The following SLC35A3 variants were observed in gnomAD, a reference collection of about 807,000 sequenced individuals.
The protein encoded by SLC35A3 is solute carrier family 35 member A3.
In SLC35A3, 26 loss-of-function variants were observed where a neutral mutation model predicts 39.0. That is an observed-to-expected ratio of 0.67 (90% CI 0.49 to 0.92). The LOEUF (loss-of-function observed/expected upper bound fraction) is 0.92, where lower values mean the gene tolerates loss of function less well. Ranked by LOEUF, SLC35A3 falls within the 40% of genes least tolerant of loss-of-function variation. The probability of loss-of-function intolerance (pLI) is 0.00; values close to 1 mark genes in which losing one functional copy is unlikely to be tolerated. For missense variants in SLC35A3, 299 were observed against 371.6 expected, an observed-to-expected ratio of 0.80 and a Z score of 1.61; for synonymous variants, 135 against 133.1, an observed-to-expected ratio of 1.01 and a Z score of -0.10.
At chr1:99,986,683 A>G (rs1381541084) in intron 1 of SLC35A3, among the ~76,000 whole-genome samples, 6 of 151,788 alleles carry the variant, frequency 4.0e-5, no homozygotes, top group Admixed American at 1.3e-4. Context: ...TTGACTTCCC[A>G]AACTCAAGGG....
chr1:100,017,884 T>C (rs1660267854), intron 7 of SLC35A3, 69 bp downstream of exon 7: 2 of 896,678 alleles, frequency 2.2e-6, no homozygotes, highest in African/African-American at 3.5e-5. Context: ...CTTTGTAAGG[T>C]GATCTGATAA....
At chr1:99,970,767 T>G (rs1208815980) in intron 1 of SLC35A3, 2 of 648,014 alleles carry the variant, frequency 3.1e-6, no homozygotes, top group Non-Finnish European at 5.1e-6. Flanking sequence ...AAATGCAGTA[T>G]TTGAAAATTA....
At chr1:100,000,584 T>C (rs892325942) in intron 3 of SLC35A3, 1 of 152,156 alleles carries the variant, frequency 6.6e-6, no homozygotes, top group Non-Finnish European at 1.5e-5. Context: ...ATTATTCTAT[T>C]TTTGTTTTCA....
At chr1:100,011,803 C>T (rs1659670213) in intron 5 of SLC35A3, among the ~76,000 whole-genome samples, 1 of 151,496 alleles carries the variant, frequency 6.6e-6, no homozygotes, top group South Asian at 2.1e-4. Context: ...ACTGCAAGCT[C>T]CGCCTCCCAG....
intron 3 of SLC35A3, among the ~76,000 whole-genome samples, chr1:100,000,365 A>G (rs927136053): frequency 3.9e-5 from 6 of 151,922 alleles, no homozygotes; most frequent in Non-Finnish European, 8.8e-5. Context: ...CCTGTTGGCT[A>G]TTTGTATGTC....
chr1:100,004,131 A>C (rs1347190679), intron 3 of SLC35A3, among the ~76,000 whole-genome samples: 1 of 152,164 alleles, frequency 6.6e-6, no homozygotes, highest in Non-Finnish European at 1.5e-5. Flanking sequence ...TTATTGGTAC[A>C]TGGGGATTAT....
intron 2 of SLC35A3, among the ~76,000 whole-genome samples, chr1:99,994,338 CTTTTATCTAAAATTTTTTATCTAAA>C (rs537249582): frequency 0.071 from 10,798 of 151,844 alleles, 489 homozygotes; most frequent in African/African-American, 0.13. Context: ...TTTTAAATCA[CTTTTATCTAAAATTTTTTATCTAAA>C]TTTTATCTAA....
At chr1:99,981,758 G>A (rs1165090169) in intron 1 of SLC35A3, among the ~76,000 whole-genome samples, 1 of 152,102 alleles carries the variant, frequency 6.6e-6, no homozygotes, top group Non-Finnish European at 1.5e-5. Flanking sequence ...TGGGATTACA[G>A]ACATGAGCCA....
intron 3 of SLC35A3, among the ~76,000 whole-genome samples, chr1:100,003,416 C>CA (rs34020224): frequency 0.021 from 1,195 of 55,672 alleles, 16 homozygotes; most frequent in East Asian, 0.049. Flanking sequence ...AACTCCATCT[C>CA]AAAAAAAAAA....
intron 5 of SLC35A3, among the ~76,000 whole-genome samples, chr1:100,013,639 AT>A (rs1198722125): frequency 1.3e-5 from 2 of 151,566 alleles, no homozygotes; most frequent in Non-Finnish European, 2.9e-5. Context: ...ACATATATAT[AT>A]GTTATATATA....
chr1:99,977,734 C>T (rs1444761977), intron 1 of SLC35A3, among the ~76,000 whole-genome samples: 1 of 152,104 alleles, frequency 6.6e-6, no homozygotes, highest in African/African-American at 2.4e-5. Flanking sequence ...AGACAGAGTC[C>T]GACTATGTTG....
intron 4 of SLC35A3, chr1:100,008,528 A>G (rs1659399271): frequency 6.6e-6 from 1 of 152,226 alleles, no homozygotes; most frequent in South Asian, 2.1e-4. Flanking sequence ...AAATGTACCT[A>G]CAGTTCTAGA....
rs966805596 is a variant in SLC35A3 at position 99,971,464 on chromosome 1, G to T, written c.-19+1302G>T. On this transcript the variant is annotated intron_variant, in intron 1 of 7. Coordinates refer to ENST00000533028, the MANE Select transcript of SLC35A3 (RefSeq NM_012243.3). The stretch of plus-strand genomic sequence containing the variant: ...TGGGACTACAGGCGCCCGCCGCCAC[G>T]CCCGGCTAATTTTTTTGTATTTTTA... Among the ~76,000 whole-genome samples, 4 of 151,714 alleles carry T rather than the reference G, an allele frequency of 2.6e-5. No homozygotes were observed. In the South Asian group the frequency reaches 8.3e-4, roughly 32 times the overall value.
chr1:100,022,473 A>G lies in SLC35A3; in HGVS notation c.975A>G (p.Ala325=), dbSNP rs1425121794. 6 of 1,548,030 alleles carry G rather than the reference A, an allele frequency of 3.9e-6. No individual in the cohort carries two copies. In the African/African-American group the frequency reaches 6.8e-5, roughly 18 times the overall value. ...AACCTGCAGGAAATCCCACTAAAGCATAGTTGTATACTATCTTTAACTGGT... is the reference window on the plus strand; with the variant it reads ...AACCTGCAGGAAATCCCACTAAAGCGTAGTTGTATACTATCTTTAACTGGT... ...DPKPAGNPTK[A] is the part of the protein sequence containing the mutation. Residue 325 remains alanine, a synonymous_variant, in exon 8 of 8, where the codon GCA becomes GCG. Transcript: ENST00000533028.
intron 3 of SLC35A3, among the ~76,000 whole-genome samples, chr1:100,004,894 A>G (rs1570605781): frequency 6.6e-6 from 1 of 151,470 alleles, no homozygotes; most frequent in East Asian, 2.0e-4. Context: ...GCACTCTACC[A>G]TGCCTGTGCA....
At chr1:100,018,001 T>C (rs1660274494) in intron 7 of SLC35A3, 186 bp downstream of exon 7, 1 of 370,662 alleles carries the variant, frequency 2.7e-6, no homozygotes, top group Non-Finnish European at 4.7e-6. Context: ...AAGTTTCTTA[T>C]ACAAATTTGG....
chr1:100,001,128 A>T (rs1213961600), intron 3 of SLC35A3, among the ~76,000 whole-genome samples: 1 of 152,060 alleles, frequency 6.6e-6, no homozygotes, highest in Non-Finnish European at 1.5e-5. Flanking sequence ...GTATATTTGG[A>T]AGTCATAGTG....
chr1:100,013,465 T>C (rs1659827038), intron 5 of SLC35A3, among the ~76,000 whole-genome samples: 1 of 148,312 alleles, frequency 6.7e-6, no homozygotes. Context: ...AAAAAAAAAT[T>C]AGCTGGGTGT....
At chr1:99,977,330 G>A (rs1407805471) in intron 1 of SLC35A3, among the ~76,000 whole-genome samples, 2 of 122,460 alleles carry the variant, frequency 1.6e-5, no homozygotes, top group South Asian at 2.6e-4. Flanking sequence ...ACAGCCTGAC[G>A]AACATCGCGA....
Sources: allele counts gnomAD v4.1 joint callset (sites outside exome capture counted in the v4.1 genomes callset), GRCh38; gene constraint gnomAD v4.1.1; transcripts MANE v1.5; gene names NCBI Gene and HGNC (gene_info 2026-07-23, HGNC 2026-07-21).